LRMDA: variants seen among roughly 807,000 people sequenced by gnomAD.
LRMDA encodes the protein leucine rich melanocyte differentiation associated.
A neutral mutation model predicts 29.8 loss-of-function variants in LRMDA; 18 were observed. The ratio of observed to expected loss-of-function variants is 0.60; its 90% CI spans 0.42 to 0.90. The LOEUF (loss-of-function observed/expected upper bound fraction) is 0.90. LRMDA is among the 40% of genes least tolerant of loss of function. The pLI is 0.00. For missense variants in LRMDA, 273 were observed against 273.9 expected, an observed-to-expected ratio of 1.00 and a Z score of 0.02; for synonymous variants, 125 against 109.4, an observed-to-expected ratio of 1.14 and a Z score of -0.89.
chr10:75,431,841 C>A, intron 1 of LRMDA, 87 bp downstream of exon 1: 1 of 1,204,906 alleles, frequency 8.3e-7, no homozygotes, highest in Non-Finnish European at 1.0e-6. Context: ...AGGGCCTAGA[C>A]ACCCCTGTCC....
chr10:76,320,743 T>C (rs909088377), intron 5 of LRMDA, among the ~76,000 whole-genome samples: 1 of 152,228 alleles, frequency 6.6e-6, no homozygotes, highest in African/African-American at 2.4e-5. Context: ...TAAGTCTTCT[T>C]TAAATGAAAG....
intron 2 of LRMDA, among the ~76,000 whole-genome samples, chr10:75,546,519 C>A (rs894678654): frequency 6.6e-6 from 1 of 152,166 alleles, no homozygotes; most frequent in African/African-American, 2.4e-5. Context: ...GTGTTGGGAT[C>A]AAGGATGATT....
chr10:75,776,666 T>G (rs1843315592), intron 2 of LRMDA, among the ~76,000 whole-genome samples: 1 of 152,242 alleles, frequency 6.6e-6, no homozygotes, highest in Admixed American at 6.5e-5. Context: ...GCTGTACATT[T>G]TACCCTGTCT....
intron 5 of LRMDA, among the ~76,000 whole-genome samples, chr10:76,079,546 A>G (rs1226252638): frequency 2.0e-5 from 3 of 152,208 alleles, no homozygotes; most frequent in Non-Finnish European, 4.4e-5. Context: ...GCAGTTTGGA[A>G]AAAGGCTTGG....
At chr10:76,540,031 T>C (rs941783106) in intron 6 of LRMDA, among the ~76,000 whole-genome samples, 8 of 151,502 alleles carry the variant, frequency 5.3e-5, no homozygotes. Context: ...ATAACACACA[T>C]ACAAGATACA....
At chr10:76,205,171 G>A (rs1589375527) in intron 5 of LRMDA, among the ~76,000 whole-genome samples, 1 of 152,156 alleles carries the variant, frequency 6.6e-6, no homozygotes, top group East Asian at 1.9e-4. Flanking sequence ...AACTTTCTCT[G>A]GAAAGCTGTG....
chr10:75,924,524 C>G (rs557314532), intron 2 of LRMDA, among the ~76,000 whole-genome samples: 1 of 152,160 alleles, frequency 6.6e-6, no homozygotes, highest in South Asian at 2.1e-4. Context: ...ACAGGATATA[C>G]AGAGAGGATG....
chr10:75,692,098 A>G (rs2132161853), intron 2 of LRMDA, among the ~76,000 whole-genome samples: 1 of 151,508 alleles, frequency 6.6e-6, no homozygotes, highest in African/African-American at 2.4e-5. Context: ...GCTACTTGGG[A>G]GGCTGAAGTG....
chr10:76,344,508 CT>C (rs1180446914), intron 6 of LRMDA, among the ~76,000 whole-genome samples: 1 of 152,034 alleles, frequency 6.6e-6, no homozygotes, highest in African/African-American at 2.4e-5. Flanking sequence ...TGTAACAAAG[CT>C]TTTTTTCTTC....
At chr10:76,193,013 T>G (rs1328580681) in intron 5 of LRMDA, among the ~76,000 whole-genome samples, 1 of 152,248 alleles carries the variant, frequency 6.6e-6, no homozygotes, top group Admixed American at 6.5e-5. Context: ...CCCTCCTCTT[T>G]TAAAACATTT....
intron 5 of LRMDA, among the ~76,000 whole-genome samples, chr10:76,306,615 C>G (rs1840559939): frequency 6.6e-6 from 1 of 152,144 alleles, no homozygotes; most frequent in Non-Finnish European, 1.5e-5. Flanking sequence ...CTTGGCATCT[C>G]TTTTAGAAAT....
chr10:76,243,432 G>A (rs1852316384), intron 5 of LRMDA, among the ~76,000 whole-genome samples: 1 of 152,132 alleles, frequency 6.6e-6, no homozygotes, highest in Non-Finnish European at 1.5e-5. Context: ...GGTGGCTGTA[G>A]CTTACGTCGA....
In LRMDA at chr10:75,431,690, G is replaced by C. The variant is rs1274112038; in HGVS notation, c.-35G>C. On this transcript the variant is annotated 5_prime_UTR_variant, in exon 1 of 7. Coordinates refer to ENST00000611255, the MANE Select transcript of LRMDA (RefSeq NM_001305581.2). ...CCCGCTGCTGCCGCCGCGCCCCCGC[G>C]CTCCGTCCCGCGCGCCCGCAGCGTC... The C allele has an allele frequency of 7.8e-6, 10 of 1,284,960 alleles. No homozygotes were observed. Among genetic ancestry groups the C allele is most frequent in the Non-Finnish European group, 9.8e-6 (10 of 1,021,846 alleles). 79.6% of individuals were successfully genotyped at this position (1,284,960 alleles called of 1,614,324 possible).
intron 2 of LRMDA, among the ~76,000 whole-genome samples, chr10:75,514,137 A>T (rs543075480): frequency 2.2e-4 from 33 of 149,578 alleles, no homozygotes; most frequent in Middle Eastern, 3.5e-3. Context: ...TCTGTGGTAC[A>T]GATTCAAAGG....
intron 6 of LRMDA, among the ~76,000 whole-genome samples, chr10:76,507,461 C>T (rs1471227122): frequency 2.6e-5 from 4 of 151,376 alleles, no homozygotes; most frequent in African/African-American, 9.7e-5. Flanking sequence ...TGATGTAATC[C>T]TATTTGTCTC....
rs554899972 is a variant in LRMDA, at chr10:75,678,156, G to A, written c.131+239662G>A. On this transcript the variant is annotated intron_variant, in intron 2 of 6. Coordinates refer to ENST00000611255, the MANE Select transcript of LRMDA (RefSeq NM_001305581.2). Reference sequence around the variant, plus strand: ...CACAGATACATGCACATACCTGCACGTATATAGCTAAACATATACATATAC... The same window carrying A: ...CACAGATACATGCACATACCTGCACATATATAGCTAAACATATACATATAC... Among the ~76,000 whole-genome samples the A allele has an allele frequency of 5.8e-4, 88 of 152,124 alleles. 1 individual carries two copies. The highest frequency in any genetic ancestry group is 1.8e-3 in the African/African-American group (75 of 41,496).
At chr10:76,417,306 A>G (rs934579829) in intron 6 of LRMDA, among the ~76,000 whole-genome samples, 1 of 152,166 alleles carries the variant, frequency 6.6e-6, no homozygotes, top group Non-Finnish European at 1.5e-5. Flanking sequence ...TAATCTTCCA[A>G]AGAAAATGGA....
chr10:76,521,758 G>A (rs1458474521), intron 6 of LRMDA, among the ~76,000 whole-genome samples: 1 of 152,090 alleles, frequency 6.6e-6, no homozygotes, highest in Non-Finnish European at 1.5e-5. Context: ...TATTATTTAA[G>A]AGGAAAAAAG....
chr10:75,820,601 G>A (rs1844141081), intron 2 of LRMDA, among the ~76,000 whole-genome samples: 1 of 151,730 alleles, frequency 6.6e-6, no homozygotes. Context: ...AGAAAAACAA[G>A]AACAAACTAG....
Sources: allele counts gnomAD v4.1 joint callset (sites outside exome capture counted in the v4.1 genomes callset), GRCh38; gene constraint gnomAD v4.1.1; transcripts MANE v1.5; gene names NCBI Gene and HGNC (gene_info 2026-07-23, HGNC 2026-07-21).